Variants in SV2C observed in about 807,000 individuals in gnomAD.
The protein encoded by SV2C is synaptic vesicle glycoprotein 2C.
SV2C carries 49 observed loss-of-function variants against 79.7 expected under a neutral mutation model. The ratio of observed to expected loss-of-function variants is 0.61; its 90% confidence interval spans 0.49 to 0.78. SV2C has a LOEUF of 0.78. SV2C is among the 30% of genes least tolerant of loss of function. The pLI is 0.00. For synonymous variants in SV2C, 334 were observed against 333.2 expected, an observed-to-expected ratio of 1.00 and a Z score of -0.03; for missense variants, 833 against 912.9, an observed-to-expected ratio of 0.91 and a Z score of 1.13.
At chr5:75,852,302 TTAAAG>T in the SV2C span, among the ~76,000 whole-genome samples, 1 of 152,246 alleles carries the variant, frequency 6.6e-6, no homozygotes, top group Non-Finnish European at 1.5e-5. Flanking sequence ...ACCCCAGAAC[TTAAAG>T]TATAATAATA....
chr5:76,078,912 G>A (rs1405208183), upstream of SV2C: 2 of 551,648 alleles, frequency 3.6e-6, no homozygotes, highest in Non-Finnish European at 7.2e-6. Context: ...ATGACTTGCA[G>A]GGCAAAGAAG....
chr5:76,291,651 G>A (rs573551542), intron 7 of SV2C, 117 bp from the exon 8 acceptor site: 14 of 695,516 alleles, frequency 2.0e-5, no homozygotes, highest in Non-Finnish European at 3.4e-5. Context: ...ACATTTTAAG[G>A]TGAAATGAAT....
At chr5:75,859,633 T>C in the SV2C span, among the ~76,000 whole-genome samples, 1 of 152,174 alleles carries the variant, frequency 6.6e-6, no homozygotes, top group Non-Finnish European at 1.5e-5. Context: ...ATTGCCTTCA[T>C]GTCTTTATGC....
rs184532781 is a variant in SV2C at position 76,236,682 on chromosome 5, A to G, written c.913+26795A>G. Among the ~76,000 whole-genome samples the G allele has an allele frequency of 9.8e-5, 15 of 152,298 alleles. No individual in the cohort carries two copies. The East Asian group carries it at 2.9e-3, about 29-fold the overall frequency. On this transcript the variant is annotated intron_variant, in intron 4 of 12. Transcript: ENST00000502798. ...AGTGAGAACTCACTCATTTTCTACC[A>G]CTGCAGGGAGAGCATTAATCTATTC...
intron 3 of SV2C, 92 bp from the exon 4 acceptor site, chr5:76,209,644 T>C (rs972953589): frequency 8.9e-5 from 109 of 1,230,228 alleles, no homozygotes; most frequent in Non-Finnish European, 1.2e-4. Context: ...GGAGAAAGCA[T>C]GTGTTGTTAG....
the SV2C span, among the ~76,000 whole-genome samples, chr5:75,988,301 G>C: frequency 1.3e-5 from 2 of 151,958 alleles, no homozygotes; most frequent in African/African-American, 4.8e-5. Context: ...TACTTTACCA[G>C]TCTCTGATGA....
intron 3 of SV2C, among the ~76,000 whole-genome samples, chr5:76,203,426 A>G (rs916674194): frequency 2.0e-5 from 3 of 152,230 alleles, no homozygotes; most frequent in Admixed American, 2.0e-4. Flanking sequence ...ATCATTAATT[A>G]TAGAACATCA....
chr5:75,927,879 A>T, the SV2C span, among the ~76,000 whole-genome samples: 1 of 152,212 alleles, frequency 6.6e-6, no homozygotes. Context: ...TGAGAGAGCA[A>T]GGGAAGGAAC....
At chr5:75,945,193 C>G in the SV2C span, among the ~76,000 whole-genome samples, 1 of 151,970 alleles carries the variant, frequency 6.6e-6, no homozygotes, top group African/African-American at 2.4e-5. Flanking sequence ...ATAAAAGAAA[C>G]AAATGGAAAT....
chr5:75,946,585 A>C, the SV2C span, among the ~76,000 whole-genome samples: 1 of 152,126 alleles, frequency 6.6e-6, no homozygotes, highest in Admixed American at 6.6e-5. Flanking sequence ...AATAACAATG[A>C]AATATGGCAC....
chr5:76,028,574 C>T, the SV2C span, among the ~76,000 whole-genome samples: 3 of 152,134 alleles, frequency 2.0e-5, no homozygotes, highest in East Asian at 5.8e-4. Context: ...GCCTGGATTC[C>T]AGCCCCGCTT....
At chr5:76,026,464 A>C in the SV2C span, among the ~76,000 whole-genome samples, 8 of 152,216 alleles carry the variant, frequency 5.3e-5, no homozygotes, top group African/African-American at 1.4e-4. Flanking sequence ...GGAGGCTCAC[A>C]GTCTAATTGA....
chr5:76,058,627 C>A, the SV2C span, among the ~76,000 whole-genome samples: 1 of 152,012 alleles, frequency 6.6e-6, no homozygotes, highest in Non-Finnish European at 1.5e-5. Context: ...ATTCCAAGTG[C>A]TGAATATTCT....
At chr5:76,299,015 A>G in intron 10 of SV2C, 88 bp downstream of exon 10, 2 of 1,416,136 alleles carry the variant, frequency 1.4e-6, no homozygotes, top group East Asian at 4.7e-5. Context: ...GCAGAGGCTT[A>G]TGCGGGAAGT....
At chr5:76,071,013 T>C in the SV2C span, among the ~76,000 whole-genome samples, 1 of 152,222 alleles carries the variant, frequency 6.6e-6, no homozygotes, top group African/African-American at 2.4e-5. Context: ...GAACCCACCA[T>C]ACTTTTAGGG....
At chr5:76,144,542 T>C (rs531408160) in intron 2 of SV2C, among the ~76,000 whole-genome samples, 4 of 152,328 alleles carry the variant, frequency 2.6e-5, no homozygotes, top group African/African-American at 9.6e-5. Flanking sequence ...TCCACCCAGA[T>C]GAATCTGCCT....
At chr5:76,312,086 AG>A (rs1253883244) in intron 12 of SV2C, among the ~76,000 whole-genome samples, 1 of 152,200 alleles carries the variant, frequency 6.6e-6, no homozygotes, top group Non-Finnish European at 1.5e-5. Flanking sequence ...ATCTCTCAAA[AG>A]TCATAAATGT....
chr5:76,111,482 C>T (rs994094976), intron 1 of SV2C, among the ~76,000 whole-genome samples: 2 of 152,104 alleles, frequency 1.3e-5, no homozygotes, highest in African/African-American at 4.8e-5. Flanking sequence ...GTCCTTCTCC[C>T]TCCACCCTGA....
At chr5:76,070,112 G>C in the SV2C span, among the ~76,000 whole-genome samples, 3 of 152,126 alleles carry the variant, frequency 2.0e-5, no homozygotes, top group Non-Finnish European at 4.4e-5. Flanking sequence ...CAGGTCTCCA[G>C]GGCCCCAGCC....
Sources: allele counts gnomAD v4.1 joint callset (sites outside exome capture counted in the v4.1 genomes callset), GRCh38; gene constraint gnomAD v4.1.1; transcripts MANE v1.5; gene names NCBI Gene and HGNC (gene_info 2026-07-23, HGNC 2026-07-21).